ZNF569: variants seen among roughly 807,000 people sequenced by gnomAD.
ZNF569 encodes zinc finger protein 569, also known as DNA-binding protein.
Under a neutral mutation model 56.3 loss-of-function variants are expected in ZNF569, and 38 were observed. That is an observed-to-expected ratio of 0.68 (90% CI 0.52 to 0.88). The LOEUF (loss-of-function observed/expected upper bound fraction) is 0.88, where lower values mean the gene tolerates loss of function less well. ZNF569 is among the 40% of genes least tolerant of loss of function. The probability of loss-of-function intolerance (pLI) is 0.00; values close to 1 mark genes in which losing one functional copy is unlikely to be tolerated. For missense variants in ZNF569, 666 were observed against 809.2 expected, an observed-to-expected ratio of 0.82 and a Z score of 2.15; for synonymous variants, 241 against 262.9, an observed-to-expected ratio of 0.92 and a Z score of 0.81.
chr19:37,434,515 T>C (rs1318551804), intron 3 of ZNF569, among the ~76,000 whole-genome samples: 1 of 152,072 alleles, frequency 6.6e-6, no homozygotes, highest in Admixed American at 6.6e-5. Context: ...GGTGAAACCC[T>C]GTCTCTACTA....
chr19:37,435,699 C>T (rs2041297854), intron 3 of ZNF569, among the ~76,000 whole-genome samples: 1 of 152,046 alleles, frequency 6.6e-6, no homozygotes, highest in Non-Finnish European at 1.5e-5. Flanking sequence ...AAGAGCTGGA[C>T]TAGCTATAGA....
At position 37,414,139 on chromosome 19, in the gene ZNF569, T is replaced by C. The variant is rs891259957; in HGVS notation, c.519A>G (p.Ser173=). 6.2e-7 allele frequency: 1 copy of C among 1,613,818 alleles called. No individual in the cohort carries two copies. The highest frequency in any genetic ancestry group is 1.7e-5 in the Admixed American group (1 of 60,002). Residue 173 remains serine, a synonymous_variant, in exon 6 of 6, where the codon TCA becomes TCG. Transcript: ENST00000316950. ...CAAAATGGGATGAGCTATTACCATA[T>C]GATTTCACAGGTTCATTATATTCAC... is the stretch of plus-strand genomic sequence containing the variant. ...EHCEYNEPVK[S]YGNSSSHFVI... is the part of the protein sequence containing the mutation.
At chr19:37,430,904 C>A (rs1170402522) in intron 3 of ZNF569, among the ~76,000 whole-genome samples, 1 of 152,188 alleles carries the variant, frequency 6.6e-6, no homozygotes, top group Non-Finnish European at 1.5e-5. Flanking sequence ...AGAGTGATTG[C>A]AGGACTTTTC....
intron 2 of ZNF569, among the ~76,000 whole-genome samples, chr19:37,464,676 G>T (rs978288605): frequency 1.3e-5 from 2 of 152,124 alleles, no homozygotes; most frequent in East Asian, 1.9e-4. Flanking sequence ...TCTAGGTTGT[G>T]TAAGTATACT....
intron 3 of ZNF569, among the ~76,000 whole-genome samples, chr19:37,442,940 A>G (rs1448651397): frequency 6.6e-6 from 1 of 152,244 alleles, no homozygotes; most frequent in Non-Finnish European, 1.5e-5. Flanking sequence ...CTAGAGTGCT[A>G]GGGTAATTCT....
intron 3 of ZNF569, among the ~76,000 whole-genome samples, chr19:37,428,245 G>A (rs534918410): frequency 1.2e-4 from 18 of 152,244 alleles, no homozygotes; most frequent in African/African-American, 2.6e-4. Context: ...GGTGGCTCAC[G>A]CCTGTAATTC....
chr19:37,467,339 A>T lies in ZNF569; in HGVS notation c.-460T>A, dbSNP rs2041862067. The stretch of plus-strand genomic sequence containing the variant: ...CAGGGCTCACAGCTCCGCGCAGGGG[A>T]GCTCAGCCTAGGTTTTGCACGAGCG... On this transcript the variant is annotated 5_prime_UTR_variant, in exon 1 of 6. Coordinates refer to ENST00000316950, the MANE Select transcript of ZNF569 (RefSeq NM_152484.3). The T allele has an allele frequency of 6.5e-6, 1 of 153,848 alleles. No homozygotes were observed. Among genetic ancestry groups the T allele is most frequent in the Non-Finnish European group, 1.4e-5 (1 of 69,494 alleles). The allele number at this position is 153,848 out of a possible 1,614,324, so 9.5% of individuals were successfully genotyped here.
intron 2 of ZNF569, among the ~76,000 whole-genome samples, chr19:37,464,294 A>G (rs1050965397): frequency 6.6e-6 from 1 of 152,108 alleles, no homozygotes; most frequent in African/African-American, 2.4e-5. Context: ...GGTTCAAGCA[A>G]TTCTCCTGCC....
At chr19:37,443,732 C>A (rs1175220315) in intron 3 of ZNF569, among the ~76,000 whole-genome samples, 1 of 151,818 alleles carries the variant, frequency 6.6e-6, no homozygotes, top group South Asian at 2.1e-4. Context: ...ACGGGCCGGG[C>A]GCAGTGGCTC....
At chr19:37,447,851 T>C (rs1476843226) in intron 2 of ZNF569, among the ~76,000 whole-genome samples, 1 of 152,178 alleles carries the variant, frequency 6.6e-6, no homozygotes, top group Non-Finnish European at 1.5e-5. Context: ...CTGCATCTAC[T>C]AACAGTCATA....
Position 37,413,094 on chromosome 19 carries a change from A to T in ZNF569, c.1564T>A (p.Tyr522Asn). ...HQKVHTGEKPYDCNECGKAFS... is the reference protein window; with the variant it reads ...HQKVHTGEKPNDCNECGKAFS... Reference sequence around the variant, plus strand: ...GCTTTACCACATTCATTACAATCATAAGGTTTCTCTCCAGTATGAACTTTT... The same window carrying T: ...GCTTTACCACATTCATTACAATCATTAGGTTTCTCTCCAGTATGAACTTTT... Residue 522 changes from tyrosine (Y) to asparagine (N), a missense_variant, in exon 6 of 6, where the codon TAT (tyrosine) becomes AAT (asparagine). Coordinates refer to ENST00000316950, the MANE Select transcript of ZNF569 (RefSeq NM_152484.3). The T allele has an allele frequency of 6.2e-7, 1 of 1,613,770 alleles. No individual in the cohort carries two copies. The highest frequency in any genetic ancestry group is 8.5e-7 in the Non-Finnish European group (1 of 1,179,858).
intron 3 of ZNF569, among the ~76,000 whole-genome samples, chr19:37,440,347 T>G (rs1385367383): frequency 1.3e-5 from 2 of 152,140 alleles, no homozygotes; most frequent in African/African-American, 4.8e-5. Flanking sequence ...ATATTCAGAA[T>G]AGATAATATA....
intron 3 of ZNF569, among the ~76,000 whole-genome samples, chr19:37,441,168 A>C (rs1022390938): frequency 3.9e-5 from 6 of 152,198 alleles, no homozygotes; most frequent in Non-Finnish European, 7.3e-5. Context: ...GGAATAGAGG[A>C]AACAAAGGCC....
At chr19:37,450,371 T>A (rs2041572345) in intron 2 of ZNF569, among the ~76,000 whole-genome samples, 1 of 152,242 alleles carries the variant, frequency 6.6e-6, no homozygotes, top group African/African-American at 2.4e-5. Context: ...CTTCATGATC[T>A]AATCTTGGTA....
intron 2 of ZNF569, among the ~76,000 whole-genome samples, chr19:37,453,547 T>C (rs1455356373): frequency 6.6e-6 from 1 of 152,210 alleles, no homozygotes; most frequent in Non-Finnish European, 1.5e-5. Context: ...GCTTGCATGG[T>C]CTCTGATAAT....
chr19:37,425,848 T>C lies in ZNF569; in HGVS notation c.238+20A>G, dbSNP rs1488835776. ...ATAGGCCCTGACCTCTCCTCACCTG[T>C]CTGGTTCCCTTCCACTAACCTTGCC... On this transcript the variant is annotated intron_variant, in intron 5 of 5. Coordinates refer to ENST00000316950, the MANE Select transcript of ZNF569 (RefSeq NM_152484.3). The C allele has an allele frequency of 6.3e-7, 1 of 1,593,512 alleles. No homozygotes were observed. Among genetic ancestry groups the C allele is most frequent in the South Asian group, 1.1e-5 (1 of 90,656 alleles).
chr19:37,417,681 T>C (rs962434384), intron 5 of ZNF569, among the ~76,000 whole-genome samples: 1 of 152,212 alleles, frequency 6.6e-6, no homozygotes, highest in African/African-American at 2.4e-5. Flanking sequence ...TAAGTTAATA[T>C]ATCAGTTTAA....
At chr19:37,418,681 T>C (rs141771234) in intron 5 of ZNF569, among the ~76,000 whole-genome samples, 5 of 152,104 alleles carry the variant, frequency 3.3e-5, no homozygotes, top group African/African-American at 1.2e-4. Flanking sequence ...AATAACAAAA[T>C]TGAATGGAAG....
intron 3 of ZNF569, among the ~76,000 whole-genome samples, chr19:37,443,979 T>C (rs756330830): frequency 6.6e-6 from 1 of 151,986 alleles, no homozygotes; most frequent in Non-Finnish European, 1.5e-5. Context: ...GATCGTGCCA[T>C]TGCACTCCAG....
Sources: allele counts gnomAD v4.1 joint callset (sites outside exome capture counted in the v4.1 genomes callset), GRCh38; gene constraint gnomAD v4.1.1; transcripts MANE v1.5; gene names NCBI Gene and HGNC (gene_info 2026-07-23, HGNC 2026-07-21).